NFIB: variants seen among roughly 807,000 people sequenced by gnomAD.
NFIB encodes the protein nuclear factor I B.
In NFIB, 11 loss-of-function variants were observed where a neutral mutation model predicts 61.5. The observed-to-expected ratio is 0.18, with a 90% CI of 0.11 to 0.30. The LOEUF (loss-of-function observed/expected upper bound fraction) is 0.30. Ranked by LOEUF, NFIB falls within the 10% of genes least tolerant of loss-of-function variation. The pLI, the probability that NFIB is intolerant of heterozygous loss-of-function variation, is 1.00. For synonymous variants in NFIB, 260 were observed against 216.5 expected (o/e 1.20, Z -1.76); for missense variants, 471 against 608.9 (o/e 0.77, Z 2.38).
intron 1 of NFIB, among the ~76,000 whole-genome samples, chr9:14,348,208 C>T (rs1267231440): frequency 6.6e-6 from 1 of 152,190 alleles, no homozygotes; most frequent in Non-Finnish European, 1.5e-5. Flanking sequence ...CAGGGGAAGG[C>T]ATAATTCAAT....
the NFIB span, among the ~76,000 whole-genome samples, chr9:14,447,509 T>A: frequency 6.6e-6 from 1 of 152,186 alleles, no homozygotes; most frequent in African/African-American, 2.4e-5. Flanking sequence ...TAAATGAGTG[T>A]GAATTCAGGC....
At chr9:14,219,451 C>A (rs1243517930) in intron 2 of NFIB, among the ~76,000 whole-genome samples, 2 of 128,198 alleles carry the variant, frequency 1.6e-5, no homozygotes, top group African/African-American at 5.8e-5. Flanking sequence ...TTTAGGGTTA[C>A]AATGTCAAAA....
intron 3 of NFIB, among the ~76,000 whole-genome samples, chr9:14,174,871 G>A (rs575916683): frequency 6.6e-6 from 1 of 151,680 alleles, no homozygotes; most frequent in South Asian, 2.1e-4. Flanking sequence ...AAGATAAAAC[G>A]TGGTATGAGG....
At chr9:14,172,780 T>C (rs953997537) in intron 3 of NFIB, among the ~76,000 whole-genome samples, 4 of 152,124 alleles carry the variant, frequency 2.6e-5, no homozygotes, top group Non-Finnish European at 4.4e-5. Context: ...AACACTTTTT[T>C]TTTTTTTGAG....
the NFIB span, among the ~76,000 whole-genome samples, chr9:14,480,521 C>G: frequency 6.6e-6 from 1 of 152,192 alleles, no homozygotes. Flanking sequence ...ATACACTCAT[C>G]ATAGCCTTCC....
chr9:14,448,313 A>C, the NFIB span, among the ~76,000 whole-genome samples: 1 of 152,192 alleles, frequency 6.6e-6, no homozygotes, highest in African/African-American at 2.4e-5. Flanking sequence ...ATTCTTCATT[A>C]AGTTTGTATC....
intron 3 of NFIB, among the ~76,000 whole-genome samples, chr9:14,164,318 T>G (rs1283528495): frequency 6.6e-6 from 1 of 152,020 alleles, no homozygotes; most frequent in Non-Finnish European, 1.5e-5. Flanking sequence ...TCACAGAGTG[T>G]ACTTACACAA....
chr9:14,456,559 T>C, the NFIB span, among the ~76,000 whole-genome samples: 1 of 152,192 alleles, frequency 6.6e-6, no homozygotes. Flanking sequence ...GGACAAAGTA[T>C]TAATTGGCTC....
rs189124598 is a variant in NFIB at position 14,308,810 on chromosome 9, T to C, written c.31-1290A>G. On this transcript the variant is annotated intron_variant, in intron 1 of 10. Coordinates refer to ENST00000380953, the MANE Select transcript of NFIB (RefSeq NM_001190737.2). ...CTGCCTGTTTCATCCAAGCCCTTTT[T>C]TTAAGGGAGGGGATCAGTGAGGAAT... Among the ~76,000 whole-genome samples the C allele has an allele frequency of 3.7e-3, 569 of 152,348 alleles. 4 individuals carry two copies. The highest frequency in any genetic ancestry group is 0.013 in the African/African-American group (550 of 41,576).
chr9:14,219,172 A>G (rs1234879818), intron 2 of NFIB, among the ~76,000 whole-genome samples: 1 of 151,322 alleles, frequency 6.6e-6, no homozygotes, highest in East Asian at 1.9e-4. Flanking sequence ...GCCTCTCACA[A>G]CTCCCTATCT....
At chr9:14,437,503 C>T in the NFIB span, among the ~76,000 whole-genome samples, 144,930 of 152,326 alleles carry the variant, frequency 0.95, 69,018 homozygotes, top group East Asian at 1. Flanking sequence ...ACTTCCCCTT[C>T]CAGAGTTTTA....
At chr9:14,528,662 G>A in the NFIB span, among the ~76,000 whole-genome samples, 2 of 152,106 alleles carry the variant, frequency 1.3e-5, no homozygotes, top group South Asian at 4.1e-4. Flanking sequence ...ATTTATGAAA[G>A]TTGGAGAAAA....
intron 3 of NFIB, among the ~76,000 whole-genome samples, chr9:14,170,565 CCCAGGAGGCAGGCTGCAGTGAG>C (rs372392894): frequency 3.1e-4 from 47 of 152,220 alleles, no homozygotes; most frequent in African/African-American, 1.1e-3. Context: ...ATTGTTTGAA[CCCAGGAGGCAGGCTGCAGTGAG>C]CCATGACTAT....
intron 2 of NFIB, among the ~76,000 whole-genome samples, chr9:14,230,285 T>C (rs2052960558): frequency 4.6e-5 from 7 of 152,228 alleles, no homozygotes; most frequent in South Asian, 2.1e-4. Context: ...TCAGAGATCA[T>C]GTCCTCATAG....
chr9:14,438,307 G>A, the NFIB span, among the ~76,000 whole-genome samples: 2 of 152,208 alleles, frequency 1.3e-5, no homozygotes, highest in Non-Finnish European at 2.9e-5. Context: ...ATCACCATCA[G>A]AAAGAAACGC....
chr9:14,405,491 A>G, the NFIB span, among the ~76,000 whole-genome samples: 2 of 152,332 alleles, frequency 1.3e-5, no homozygotes, highest in East Asian at 3.9e-4. Flanking sequence ...GATCTATGTT[A>G]TGCGGTGGCA....
chr9:14,091,654 CT>C (rs1435263976), intron 10 of NFIB, among the ~76,000 whole-genome samples: 5 of 151,902 alleles, frequency 3.3e-5, no homozygotes, highest in Non-Finnish European at 7.4e-5. Context: ...TGTGCATTTC[CT>C]TTGTTTTAAT....
the NFIB span, among the ~76,000 whole-genome samples, chr9:14,469,192 G>A: frequency 2.0e-5 from 3 of 152,146 alleles, no homozygotes; most frequent in Non-Finnish European, 4.4e-5. Context: ...ACCGAACTGT[G>A]CAAACTGAAC....
chr9:14,216,124 T>C (rs182400179), intron 2 of NFIB, among the ~76,000 whole-genome samples: 1 of 152,340 alleles, frequency 6.6e-6, no homozygotes, highest in East Asian at 1.9e-4. Context: ...TTCATCTTCA[T>C]AACAAAAGAT....
Sources: allele counts gnomAD v4.1 joint callset (sites outside exome capture counted in the v4.1 genomes callset), GRCh38; gene constraint gnomAD v4.1.1; transcripts MANE v1.5; gene names NCBI Gene and HGNC (gene_info 2026-07-23, HGNC 2026-07-21).